MACF1: variants seen among roughly 807,000 people sequenced by gnomAD.
MACF1 encodes the protein microtubule actin crosslinking factor 1.
A neutral mutation model predicts 854.8 loss-of-function variants in MACF1; 193 were observed. That is an observed-to-expected ratio of 0.23 (90% CI 0.20 to 0.25). The LOEUF (loss-of-function observed/expected upper bound fraction) is 0.25, where lower values mean the gene tolerates loss of function less well. Among genes scored for constraint, MACF1 ranks in the 10% least tolerant of loss-of-function variants. The pLI is 1.00. For synonymous variants in MACF1, 3,185 were observed against 3,226.7 expected, an observed-to-expected ratio of 0.99 and a Z score of 0.44; for missense variants, 7,722 against 8,929.1, an observed-to-expected ratio of 0.86 and a Z score of 5.45.
intron 2 of MACF1, among the ~76,000 whole-genome samples, chr1:39,122,613 A>G (rs1226227329): frequency 6.6e-6 from 1 of 152,214 alleles, no homozygotes; most frequent in Non-Finnish European, 1.5e-5. Flanking sequence ...TAGGGCAGGT[A>G]GAGCAGGTGA....
intron 58 of MACF1, among the ~76,000 whole-genome samples, chr1:39,388,889 T>TG (rs1641911497): frequency 7.3e-6 from 1 of 136,934 alleles, no homozygotes; most frequent in Non-Finnish European, 1.5e-5. Context: ...TTTTTTTTTT[T>TG]TTTTTTTGAG....
intron 2 of MACF1, among the ~76,000 whole-genome samples, chr1:39,094,909 A>G (rs1278324076): frequency 6.6e-6 from 1 of 151,940 alleles, no homozygotes; most frequent in African/African-American, 2.4e-5. Context: ...CAAAACAAAA[A>G]CCACAAAACA....
intron 2 of MACF1, 94 bp downstream of exon 2, chr1:39,231,337 T>G: frequency 8.6e-7 from 1 of 1,169,032 alleles, no homozygotes; most frequent in South Asian, 1.2e-5. Context: ...GATTGCTTGC[T>G]GTGTGCTCAA....
intron 2 of MACF1, among the ~76,000 whole-genome samples, chr1:39,127,701 G>C (rs1642894442): frequency 6.6e-6 from 1 of 152,208 alleles, no homozygotes; most frequent in Admixed American, 6.5e-5. Context: ...GCCAACTTAA[G>C]GGGTCAGGGA....
intron 89 of MACF1, chr1:39,458,031 A>G (rs1644476464): frequency 1.1e-5 from 2 of 183,828 alleles, no homozygotes; most frequent in Non-Finnish European, 2.3e-5. Flanking sequence ...AGGAGATAGC[A>G]GGCTCCTTTT....
At chr1:39,226,465 C>G (rs933484494) in intron 1 of MACF1, among the ~76,000 whole-genome samples, 4 of 152,018 alleles carry the variant, frequency 2.6e-5, no homozygotes, top group Non-Finnish European at 5.9e-5. Flanking sequence ...GTCAGCCTTC[C>G]GAGTAGCTGG....
rs781202932 is a variant in MACF1, at chr1:39,454,903, C to T, written c.20887-6C>T. On this transcript the variant is annotated splice_region_variant and splice_polypyrimidine_tract_variant and intron_variant, in intron 88 of 100. Coordinates refer to ENST00000564288, the MANE Select transcript of MACF1 (RefSeq NM_001394062.1). The stretch of plus-strand genomic sequence containing the variant: ...AAGAGGCCATGGTTTCCTTCTTTTT[C>T]CACAGGTCCTGACATGGGCTAAGCA... The T allele has an allele frequency of 9.3e-6, 15 of 1,604,948 alleles. No individual in the cohort carries two copies. In the East Asian group the frequency reaches 2.9e-4, roughly 31 times the overall value.
chr1:39,478,883 G>A (rs1644961238), intron 97 of MACF1, among the ~76,000 whole-genome samples: 1 of 152,146 alleles, frequency 6.6e-6, no homozygotes, highest in Non-Finnish European at 1.5e-5. Flanking sequence ...CACAGTTTAG[G>A]GTGGATGAGG....
At chr1:39,222,393 G>A (rs1267325923) in intron 1 of MACF1, among the ~76,000 whole-genome samples, 1 of 152,200 alleles carries the variant, frequency 6.6e-6, no homozygotes, top group Non-Finnish European at 1.5e-5. Flanking sequence ...TGAAAGTGCA[G>A]GGATTATAGG....
At chr1:39,149,272 C>G (rs1422344381) in intron 2 of MACF1, among the ~76,000 whole-genome samples, 1 of 152,252 alleles carries the variant, frequency 6.6e-6, no homozygotes, top group East Asian at 1.9e-4. Flanking sequence ...GGTGGCACAC[C>G]TGTGATCCCA....
Position 39,173,859 on chromosome 1 carries a change from GT to G in MACF1, c.221-57322del, listed in dbSNP as rs536487746. Among the ~76,000 whole-genome samples the G allele has an allele frequency of 9.5e-4, 144 of 152,224 alleles. 2 individuals carry two copies. Among genetic ancestry groups the G allele is most frequent in the South Asian group, 6.2e-4 (3 of 4,828 alleles). On this transcript the variant is annotated intron_variant, in intron 2 of 93. Transcript: ENST00000361689. ...AGGGTTAAGAATAACTAGTCTGTCTGTGGAAATACCAAGGCCTTTTGTTTGC... is the reference window on the plus strand; with the variant it reads ...AGGGTTAAGAATAACTAGTCTGTCTGGGAAATACCAAGGCCTTTTGTTTGC...
At chr1:39,458,330 A>G (rs576785508) in intron 89 of MACF1, 40 bp from the exon 90 acceptor site, 7 of 1,601,562 alleles carry the variant, frequency 4.4e-6, no homozygotes, top group African/African-American at 4.0e-5. Context: ...GAGTAAAAAT[A>G]CAATATTTAA....
chr1:39,189,299 C>T (rs1431720989), intron 2 of MACF1, among the ~76,000 whole-genome samples: 2 of 152,172 alleles, frequency 1.3e-5, no homozygotes, highest in African/African-American at 2.4e-5. Context: ...TTTAAGTTTT[C>T]GACCATTTGT....
intron 6 of MACF1, among the ~76,000 whole-genome samples, chr1:39,277,413 C>G (rs545143484): frequency 1.3e-5 from 2 of 152,240 alleles, no homozygotes; most frequent in African/African-American, 4.8e-5. Flanking sequence ...ATACTAAATG[C>G]TTAAATATAC....
intron 2 of MACF1, among the ~76,000 whole-genome samples, chr1:39,123,709 CTTGTTTTG>C (rs1390691256): frequency 3.2e-5 from 3 of 94,388 alleles, no homozygotes; most frequent in Non-Finnish European, 6.5e-5. Context: ...CCGGCTAATT[CTTGTTTTG>C]TTTTTTTTTT....
chr1:39,479,810 C>G lies in MACF1; in HGVS notation c.21971C>G (p.Thr7324Ser). ...SSQSPIARGRTNIELREKFIL... is the reference protein window; with the variant it reads ...SSQSPIARGRSNIELREKFIL... Reference sequence around the variant, plus strand: ...ATTTCCTTTTTAGCACGAGGTAGAACTAACATTGAACTTAGAGAGAAATTC... The same window carrying G: ...ATTTCCTTTTTAGCACGAGGTAGAAGTAACATTGAACTTAGAGAGAAATTC... The change falls in exon 98 of 101, where the codon ACT becomes AGT. Residue 7324 changes from threonine (T) to serine (S), a missense_variant. Physicochemically the swap from Thr to Ser is moderately conservative, Grantham distance 58. Coordinates refer to ENST00000564288, the MANE Select transcript of MACF1 (RefSeq NM_001394062.1). 1 of 1,614,076 alleles carries G rather than the reference C, an allele frequency of 6.2e-7. No homozygotes were observed. Among genetic ancestry groups the G allele is most frequent in the Non-Finnish European group, 8.5e-7 (1 of 1,179,910 alleles).
intron 22 of MACF1, 56 bp from the exon 23 acceptor site, chr1:39,302,867 GA>G: frequency 6.6e-7 from 1 of 1,516,676 alleles, no homozygotes; most frequent in Non-Finnish European, 9.1e-7. Flanking sequence ...GAGGCACCAG[GA>G]AATAATGGGT....
intron 80 of MACF1, 126 bp downstream of exon 80, chr1:39,444,961 C>G (rs989560909): frequency 2.4e-5 from 19 of 781,416 alleles, no homozygotes; most frequent in African/African-American, 1.0e-4. Flanking sequence ...AGAACTGATT[C>G]CATCTGTGTT....
At chr1:39,131,761 A>G (rs144300107) in intron 2 of MACF1, among the ~76,000 whole-genome samples, 1 of 152,352 alleles carries the variant, frequency 6.6e-6, no homozygotes, top group Non-Finnish European at 1.5e-5. Context: ...TTTTGTGGAT[A>G]TGATATAGAG....
Sources: allele counts gnomAD v4.1 joint callset (sites outside exome capture counted in the v4.1 genomes callset), GRCh38; gene constraint gnomAD v4.1.1; transcripts MANE v1.5; gene names NCBI Gene and HGNC (gene_info 2026-07-23, HGNC 2026-07-21).